The following ARID1A variants were observed in gnomAD, a reference collection of about 807,000 sequenced individuals.
ARID1A encodes AT-rich interaction domain 1A, also known as AT-rich interactive domain-containing protein 1A.
Under a neutral mutation model 212.6 loss-of-function variants are expected in ARID1A, and 20 were observed. That is an observed-to-expected ratio of 0.09 (90% confidence interval 0.07 to 0.14). ARID1A has a LOEUF of 0.14. Among genes scored for constraint, ARID1A ranks in the 10% least tolerant of loss-of-function variants. The pLI is 1.00. For synonymous variants in ARID1A, 1,376 were observed against 1,222.1 expected (o/e 1.13, Z -2.63); for missense variants, 2,587 against 3,059.0 (o/e 0.85, Z 3.64).
At chr1:26,762,451 GC>G in intron 7 of ARID1A, 132 bp downstream of exon 7, 1 of 1,035,500 alleles carries the variant, frequency 9.7e-7, no homozygotes, top group East Asian at 2.8e-5. Flanking sequence ...CCCAGCCCAG[GC>G]CCTGAAGTAG....
At chr1:26,744,966 C>T (rs1170053803) in intron 4 of ARID1A, among the ~76,000 whole-genome samples, 2 of 152,118 alleles carry the variant, frequency 1.3e-5, no homozygotes, top group East Asian at 3.8e-4. Context: ...CCATTTCCTA[C>T]AAAAAATATG....
chr1:26,745,679 C>A (rs998159395), intron 4 of ARID1A, among the ~76,000 whole-genome samples: 2 of 152,132 alleles, frequency 1.3e-5, no homozygotes, highest in African/African-American at 4.8e-5. Flanking sequence ...ACATTGGATT[C>A]TCTGACTGCT....
At chr1:26,735,237 T>C (rs760745443) in intron 4 of ARID1A, among the ~76,000 whole-genome samples, 9 of 151,862 alleles carry the variant, frequency 5.9e-5, no homozygotes, top group Non-Finnish European at 1.2e-4. Flanking sequence ...GTGATTCTTC[T>C]GCCTCAGTCT....
At chr1:26,777,608 A>G (rs1196504114) in intron 19 of ARID1A, among the ~76,000 whole-genome samples, 1 of 152,080 alleles carries the variant, frequency 6.6e-6, no homozygotes, top group Admixed American at 6.5e-5. Context: ...TCCTAGGCTC[A>G]AGTGATTCTC....
At chr1:26,716,751 G>A (rs893589566) in intron 1 of ARID1A, among the ~76,000 whole-genome samples, 26 of 152,116 alleles carry the variant, frequency 1.7e-4, no homozygotes, top group Admixed American at 3.3e-4. Context: ...TCAGCCTCCC[G>A]AGTAGCTGAG....
intron 4 of ARID1A, among the ~76,000 whole-genome samples, chr1:26,733,269 A>T (rs71636774): frequency 0.055 from 8,218 of 149,240 alleles, 300 homozygotes; most frequent in Non-Finnish European, 0.08. Flanking sequence ...TTTTTTTTTT[A>T]TTTTTGGTAG....
At chr1:26,775,460 C>T (rs1381158369) in intron 18 of ARID1A, 117 bp from the exon 19 acceptor site, 9 of 1,469,470 alleles carry the variant, frequency 6.1e-6, no homozygotes, top group Non-Finnish European at 8.2e-6. Context: ...ATCTCCCAGA[C>T]AGAAACTGCC....
chr1:26,749,942 A>G (rs537365675), intron 4 of ARID1A, among the ~76,000 whole-genome samples: 1 of 152,328 alleles, frequency 6.6e-6, no homozygotes, highest in South Asian at 2.1e-4. Flanking sequence ...AAGAGGACTA[A>G]TAGAGGTTGT....
chr1:26,780,793 C>G lies in ARID1A; in HGVS notation c.*37C>G, dbSNP rs375168652. 3.2e-5 allele frequency: 48 copies of G among 1,514,548 alleles called. No individual in the cohort carries two copies. The African/African-American group carries it at 6.6e-4, about 21-fold the overall frequency. The allele number at this position is 1,514,548 out of a possible 1,614,324, so 93.8% of individuals were successfully genotyped here. A position where few individuals can be genotyped will look rare whatever the true frequency, so the allele number is the denominator to read the frequency against. On this transcript the variant is annotated 3_prime_UTR_variant, in exon 20 of 20. Transcript: ENST00000324856. This position sits in a 1 kb window ranked among gnomAD's most constrained non-coding sequence, Gnocchi z 7.2. ...CACCTCCCCCCCCCGTGTGTGTGTG[C>G]GTGTGTGGAGAACTTAGAAACTGAC... is the stretch of plus-strand genomic sequence containing the variant.
At position 26,777,568 on chromosome 1, in the gene ARID1A, C is replaced by G. The variant is rs543082374; in HGVS notation, c.5125-1455C>G. Reference sequence around the variant, plus strand: ...CTTTATTTTTTTATAGAGGCAGGGTCTCACTGTGTTGCCCAGGCTGGTCTC... The same window carrying G: ...CTTTATTTTTTTATAGAGGCAGGGTGTCACTGTGTTGCCCAGGCTGGTCTC... On this transcript the variant is annotated intron_variant, in intron 19 of 19. Coordinates refer to ENST00000324856, the MANE Select transcript of ARID1A (RefSeq NM_006015.6). Among the ~76,000 whole-genome samples the G allele has an allele frequency of 2.3e-4, 35 of 151,980 alleles. No homozygotes were observed. The South Asian group carries it at 6.0e-3, about 26-fold the overall frequency.
In ARID1A at chr1:26,780,330, G is replaced by A. The variant is rs371860024; in HGVS notation, c.6432G>A (p.Leu2144=). 2 of 1,614,126 alleles carry A rather than the reference G, an allele frequency of 1.2e-6. No individual in the cohort carries two copies. Among genetic ancestry groups the A allele is most frequent in the Non-Finnish European group, 1.7e-6 (2 of 1,180,042 alleles). The change falls in exon 20 of 20, where the codon CTG becomes CTA. Residue 2144 remains leucine, a synonymous_variant. Transcript: ENST00000324856. The surrounding 1 kb of genome is among the most constrained non-coding windows in gnomAD (Gnocchi z 7.2). Reference sequence around the variant, plus strand: ...TGGCCACACCCCCCTTCAGCCGCCTGGAGAAGTTGTATAGCACTATGGTGC... The same window carrying A: ...TGGCCACACCCCCCTTCAGCCGCCTAGAGAAGTTGTATAGCACTATGGTGC... ...LILATPPFSR[L]EKLYSTMVRF...
At chr1:26,732,443 G>A (rs1033306243) in intron 3 of ARID1A, among the ~76,000 whole-genome samples, 1 of 152,152 alleles carries the variant, frequency 6.6e-6, no homozygotes, top group African/African-American at 2.4e-5. Context: ...TTAACCCCAA[G>A]AAACAGCCCT....
Position 26,697,198 on chromosome 1 carries a change from C to T in ARID1A, c.795C>T (p.Ser265=), listed in dbSNP as rs952139810. 38 of 1,421,074 alleles carry T rather than the reference C, an allele frequency of 2.7e-5. No individual in the cohort carries two copies. The highest frequency in any genetic ancestry group is 3.3e-5 in the Admixed American group (1 of 30,202). 88.0% of individuals were successfully genotyped at this position (1,421,074 alleles called of 1,614,324 possible). ...SSASASSSSS[S]FAQQRFGAMG... Reference sequence around the variant, plus strand: ...CCTCCGCCTCCTCGTCGTCTTCGTCCTTCGCTCAGCAGCGCTTCGGGGCCA... The same window carrying T: ...CCTCCGCCTCCTCGTCGTCTTCGTCTTTCGCTCAGCAGCGCTTCGGGGCCA... Residue 265 remains serine, a synonymous_variant, in exon 1 of 20, where the codon TCC becomes TCT. Coordinates refer to ENST00000324856, the MANE Select transcript of ARID1A (RefSeq NM_006015.6).
At chr1:26,756,835 T>C (rs2080942951) in intron 4 of ARID1A, among the ~76,000 whole-genome samples, 1 of 151,686 alleles carries the variant, frequency 6.6e-6, no homozygotes, top group African/African-American at 2.4e-5. Context: ...CCCGAGTAGC[T>C]GGGACCATGG....
Position 26,763,199 on chromosome 1 carries a change from G to A in ARID1A, c.2646G>A (p.Gly882=), listed in dbSNP as rs149901342. 34 of 1,614,272 alleles carry A rather than the reference G, an allele frequency of 2.1e-5. No individual in the cohort carries two copies. The East Asian group carries it at 5.8e-4, about 28-fold the overall frequency. ...ATATGCCACCTCAGGTTGGGTCAGG[G>A]ATGTGTCCCCCACCAGGGGGCATGA... The part of the protein sequence containing the change: ...MANMPPQVGS[G]MCPPPGGMNR... The change falls in exon 8 of 20, where the codon GGG becomes GGA. Residue 882 remains glycine, a synonymous_variant. Coordinates refer to ENST00000324856, the MANE Select transcript of ARID1A (RefSeq NM_006015.6).
intron 1 of ARID1A, among the ~76,000 whole-genome samples, chr1:26,709,141 C>T (rs2080424373): frequency 6.6e-6 from 1 of 152,154 alleles, no homozygotes; most frequent in Admixed American, 6.6e-5. Flanking sequence ...TTCTCTGAAT[C>T]TGTATTCTCA....
chr1:26,744,218 G>C (rs2080815669), intron 4 of ARID1A, among the ~76,000 whole-genome samples: 1 of 152,194 alleles, frequency 6.6e-6, no homozygotes, highest in African/African-American at 2.4e-5. Flanking sequence ...TTCCAACCCT[G>C]ATACTGCCTG....
At position 26,766,251 on chromosome 1, in the gene ARID1A, G is replaced by T. The variant is rs566622718; in HGVS notation, c.2763G>T (p.Gly921=). 1.9e-6 allele frequency: 3 copies of T among 1,613,844 alleles called. No individual in the cohort carries two copies. Among genetic ancestry groups the T allele is most frequent in the African/African-American group, 1.3e-5 (1 of 74,866 alleles). The change falls in exon 9 of 20, where the codon GGG becomes GGT. Residue 921 remains glycine, a synonymous_variant. Transcript: ENST00000324856. ...CAGGCTACCCCAATATGAATCAAGG[G>T]GGCATGATGGGAACTGGACCTCCTT... is the stretch of plus-strand genomic sequence containing the variant. ...RPPGYPNMNQ[G]GMMGTGPPYG... is the part of the protein sequence containing the mutation.
At position 26,696,213 on chromosome 1, in the gene ARID1A, C is replaced by T; in HGVS notation, c.-191C>T. 2 of 808,404 alleles carry T rather than the reference C, an allele frequency of 2.5e-6. No individual in the cohort carries two copies. The highest frequency in any genetic ancestry group is 3.2e-6 in the Non-Finnish European group (2 of 624,076). The allele number at this position is 808,404 out of a possible 1,614,324, so 50.1% of individuals were successfully genotyped here. A position where few individuals can be genotyped will look rare whatever the true frequency, so the allele number is the denominator to read the frequency against. On this transcript the variant is annotated 5_prime_UTR_variant, in exon 1 of 20. Coordinates refer to ENST00000324856, the MANE Select transcript of ARID1A (RefSeq NM_006015.6). Reference sequence around the variant, plus strand: ...GCCGCCGCCTCCTCCTCCTCCGCCGCCGCCAGCCCGGAGCCTGAGCCGGCG... The same window carrying T: ...GCCGCCGCCTCCTCCTCCTCCGCCGTCGCCAGCCCGGAGCCTGAGCCGGCG...
Sources: allele counts gnomAD v4.1 joint callset (sites outside exome capture counted in the v4.1 genomes callset), GRCh38; gene constraint gnomAD v4.1.1; non-coding constraint Gnocchi (gnomAD v3.1); transcripts MANE v1.5; gene names NCBI Gene and HGNC (gene_info 2026-07-23, HGNC 2026-07-21).